RBFOX1: variants seen among roughly 807,000 people sequenced by gnomAD.
RBFOX1 encodes RNA binding protein fox-1 homolog 1.
A neutral mutation model predicts 57.7 loss-of-function variants in RBFOX1; 8 were observed. The ratio of observed to expected loss-of-function variants is 0.14; its 90% CI spans 0.08 to 0.25. The LOEUF (loss-of-function observed/expected upper bound fraction) is 0.25, where lower values mean the gene tolerates loss of function less well. RBFOX1 is among the 10% of genes least tolerant of loss of function. The probability of loss-of-function intolerance (pLI) is 1.00; values close to 1 mark genes in which losing one functional copy is unlikely to be tolerated. For synonymous variants in RBFOX1, 326 were observed against 222.4 expected (o/e 1.47, Z -4.15); for missense variants, 611 against 548.5 (o/e 1.11, Z -1.14).
intron 2 of RBFOX1, among the ~76,000 whole-genome samples, chr16:5,545,898 C>T (rs4453494): frequency 0.31 from 46,982 of 151,934 alleles, 8,619 homozygotes; most frequent in East Asian, 0.85. Context: ...TCTTTATTTA[C>T]AGATAGCAAG....
intron 1 of RBFOX1, among the ~76,000 whole-genome samples, chr16:5,344,294 C>T (rs1163256934): frequency 6.6e-6 from 1 of 152,196 alleles, no homozygotes; most frequent in African/African-American, 2.4e-5. Context: ...GGTCCCAGTC[C>T]TTTGCCCAGC....
rs541167471 is a variant in RBFOX1, at chr16:5,301,532, T to C, written c.219+61427T>C. Among the ~76,000 whole-genome samples, 3 of 145,090 alleles carry C rather than the reference T, an allele frequency of 2.1e-5. No individual in the cohort carries two copies. In the South Asian group the frequency reaches 6.6e-4, roughly 32 times the overall value. ...TACTCGGGAAGCTGAGGCAGGAGAATGGCGTGAACCCAGGAGGCAGAGCTT... is the reference window on the plus strand; with the variant it reads ...TACTCGGGAAGCTGAGGCAGGAGAACGGCGTGAACCCAGGAGGCAGAGCTT... On this transcript the variant is annotated intron_variant, in intron 1 of 2. Coordinates refer to the RBFOX1 transcript ENST00000585867.
chr16:7,047,670 A>G (rs1440070182), intron 3 of RBFOX1, among the ~76,000 whole-genome samples: 1 of 143,094 alleles, frequency 7.0e-6, no homozygotes, highest in African/African-American at 2.6e-5. Flanking sequence ...TTTCAGTAAC[A>G]TGAAATATTG....
intron 3 of RBFOX1, among the ~76,000 whole-genome samples, chr16:6,909,593 G>T (rs2071024186): frequency 6.6e-6 from 1 of 152,120 alleles, no homozygotes. Context: ...TAGAAGCGAG[G>T]GACATGTAAT....
At chr16:7,216,117 T>C (rs1373465642) in intron 4 of RBFOX1, among the ~76,000 whole-genome samples, 6 of 152,206 alleles carry the variant, frequency 3.9e-5, no homozygotes, top group Admixed American at 3.9e-4. Context: ...ATCCATGTTA[T>C]AGATGCGTTG....
rs542898195 is a variant in RBFOX1, at chr16:7,599,638, C to CTTTTTTTTT, written c.622+2211_622+2219dup. 7.0e-4 allele frequency among the ~76,000 whole-genome samples: 44 copies of CTTTTTTTTT among 62,802 alleles called. 12 individuals are homozygous for CTTTTTTTTT. The highest frequency in any genetic ancestry group is 1.4e-3 in the African/African-American group (28 of 20,332). 41.2% of individuals were successfully genotyped at this position (62,802 alleles called of 152,430 possible). On this transcript the variant is annotated intron_variant, in intron 9 of 15. Transcript: ENST00000550418. ...GAGAAGATGAAGAAATTAATAAAGA[C>CTTTTTTTTT]TTTTTTTTTTTTCTTTTTTTTTTTT...
At chr16:6,657,679 A>C (rs2098669519) in intron 3 of RBFOX1, among the ~76,000 whole-genome samples, 1 of 152,192 alleles carries the variant, frequency 6.6e-6, no homozygotes. Context: ...TAATTTGATA[A>C]AGTGGAATTG....
chr16:6,061,991 C>T (rs1005980951), intron 1 of RBFOX1, among the ~76,000 whole-genome samples: 1 of 152,148 alleles, frequency 6.6e-6, no homozygotes, highest in African/African-American at 2.4e-5. Context: ...TCCCATGTCC[C>T]TTCCCTGGGT....
At chr16:5,674,249 T>C (rs1039050334) in intron 3 of RBFOX1, among the ~76,000 whole-genome samples, 1 of 152,198 alleles carries the variant, frequency 6.6e-6, no homozygotes, top group African/African-American at 2.4e-5. Flanking sequence ...TTTAAAGCAA[T>C]TGAATTTAAC....
chr16:6,136,783 C>T, intron 1 of RBFOX1, among the ~76,000 whole-genome samples: 1 of 152,184 alleles, frequency 6.6e-6, no homozygotes, highest in East Asian at 1.9e-4. Context: ...GCTTTCCATA[C>T]ACAGAGAAGT....
intron 4 of RBFOX1, among the ~76,000 whole-genome samples, chr16:7,421,061 C>T (rs1054922477): frequency 2.0e-5 from 3 of 151,916 alleles, no homozygotes; most frequent in Non-Finnish European, 4.4e-5. Flanking sequence ...GACTCTTTTG[C>T]TCATCTTGCA....
At chr16:6,995,950 C>G (rs1170504444) in intron 3 of RBFOX1, among the ~76,000 whole-genome samples, 2 of 152,142 alleles carry the variant, frequency 1.3e-5, no homozygotes, top group Admixed American at 6.6e-5. Context: ...TCCTTTGAGT[C>G]TGAAACTTTC....
At chr16:7,301,504 A>G (rs2096032010) in intron 4 of RBFOX1, among the ~76,000 whole-genome samples, 2 of 152,364 alleles carry the variant, frequency 1.3e-5, no homozygotes, top group South Asian at 4.1e-4. Flanking sequence ...TGGGGATCTA[A>G]TCACTACTGA....
chr16:7,069,434 G>C (rs1401225220), intron 4 of RBFOX1, among the ~76,000 whole-genome samples: 2 of 152,170 alleles, frequency 1.3e-5, no homozygotes, highest in East Asian at 3.9e-4. Context: ...ACTTACAAGT[G>C]AGAGCATGCG....
intron 4 of RBFOX1, among the ~76,000 whole-genome samples, chr16:7,214,425 G>T (rs760473386): frequency 6.6e-6 from 1 of 151,978 alleles, no homozygotes; most frequent in East Asian, 1.9e-4. Flanking sequence ...TGGGCAGACT[G>T]CTCCCTTCCT....
chr16:6,483,504 A>C (rs1359558030), intron 2 of RBFOX1: 4 of 1,535,602 alleles, frequency 2.6e-6, no homozygotes, highest in Non-Finnish European at 3.5e-6. Context: ...CCGACAATGA[A>C]ATCTTGGCAG....
chr16:5,336,719 A>C (rs1335159375), intron 1 of RBFOX1, among the ~76,000 whole-genome samples: 1 of 152,210 alleles, frequency 6.6e-6, no homozygotes, highest in African/African-American at 2.4e-5. Flanking sequence ...AGTTGTCTTT[A>C]GAAGCTGACA....
chr16:6,619,579 A>T (rs1221998476), intron 2 of RBFOX1, among the ~76,000 whole-genome samples: 13 of 152,132 alleles, frequency 8.5e-5, no homozygotes, highest in Admixed American at 8.5e-4. Context: ...ATTCATTCTC[A>T]TGAAACCTAT....
chr16:6,034,381 TAGAAG>T (rs1465710076), intron 1 of RBFOX1, among the ~76,000 whole-genome samples: 2 of 91,382 alleles, frequency 2.2e-5, no homozygotes, highest in African/African-American at 9.6e-5. Context: ...AAGAAAGGAA[TAGAAG>T]AGAAGTTGTT....
Sources: gnomAD v4.1 joint callset for allele counts (sites outside exome capture counted in the v4.1 genomes callset) on GRCh38, gnomAD v4.1.1 for gene constraint, MANE v1.5 for transcripts, NCBI Gene and HGNC (gene_info 2026-07-23, HGNC 2026-07-21) for gene names.